The following TRIM36 variants were observed in gnomAD, a reference collection of about 807,000 sequenced individuals.
TRIM36 encodes tripartite motif containing 36.
TRIM36 carries 42 observed loss-of-function variants against 72.4 expected under a neutral mutation model. The ratio of observed to expected loss-of-function variants is 0.58; its 90% CI spans 0.45 to 0.75. TRIM36 has a LOEUF of 0.75. Ranked by LOEUF, TRIM36 falls within the 30% of genes least tolerant of loss-of-function variation. The pLI, the probability that TRIM36 is intolerant of heterozygous loss-of-function variation, is 0.00. For synonymous variants in TRIM36, 315 were observed against 282.8 expected, an observed-to-expected ratio of 1.11 and a Z score of -1.14; for missense variants, 913 against 857.1, an observed-to-expected ratio of 1.07 and a Z score of -0.81.
intron 1 of TRIM36, 57 bp downstream of exon 1, chr5:115,169,549 AAG>A: frequency 6.7e-7 from 1 of 1,481,554 alleles, no homozygotes; most frequent in Non-Finnish European, 9.0e-7. Context: ...AGGAAAGAGA[AAG>A]AGCCGCGGTC....
At chr5:115,142,622 C>T (rs1332589032) in intron 4 of TRIM36, among the ~76,000 whole-genome samples, 1 of 152,170 alleles carries the variant, frequency 6.6e-6, no homozygotes, top group East Asian at 1.9e-4. Flanking sequence ...TAGCTTTTAT[C>T]TGAGACAGCT....
chr5:115,173,927 A>C (rs1384859085), upstream of TRIM36, among the ~76,000 whole-genome samples: 1 of 152,092 alleles, frequency 6.6e-6, no homozygotes, highest in East Asian at 1.9e-4. Flanking sequence ...GTATTACTTA[A>C]TTGCTCTTCT....
chr5:115,179,158 A>T (rs1367599235), intron 1 of TRIM36, among the ~76,000 whole-genome samples: 4 of 152,106 alleles, frequency 2.6e-5, no homozygotes, highest in Non-Finnish European at 5.9e-5. Context: ...CAGCCTCCGT[A>T]CTTCCCGACA....
chr5:115,179,553 G>A lies in TRIM36; in HGVS notation c.63+422C>T, dbSNP rs574514144. 3.6e-4 allele frequency among the ~76,000 whole-genome samples: 55 copies of A among 152,364 alleles called. No homozygotes were observed. In the East Asian group the frequency reaches 9.7e-3, roughly 27 times the overall value. On this transcript the variant is annotated intron_variant, in intron 1 of 9. Coordinates refer to the TRIM36 transcript ENST00000282369. ...CACACTTCGAGCCTGTTCACTCGCTGGGCGGACCCTCCCTCCACGCTCCGC... is the reference window on the plus strand; with the variant it reads ...CACACTTCGAGCCTGTTCACTCGCTAGGCGGACCCTCCCTCCACGCTCCGC...
intron 2 of TRIM36, among the ~76,000 whole-genome samples, chr5:115,155,790 A>G (rs770504439): frequency 6.6e-6 from 1 of 152,356 alleles, no homozygotes; most frequent in Non-Finnish European, 1.5e-5. Flanking sequence ...CCCTTCTTCA[A>G]TATAGTACTG....
At chr5:115,165,633 G>A (rs928110914) in intron 1 of TRIM36, among the ~76,000 whole-genome samples, 1 of 152,232 alleles carries the variant, frequency 6.6e-6, no homozygotes, top group Non-Finnish European at 1.5e-5. Flanking sequence ...GCTGCAGTTG[G>A]GAAGGCACAG....
chr5:115,135,017 T>A (rs1179998523), intron 7 of TRIM36, among the ~76,000 whole-genome samples: 1 of 152,194 alleles, frequency 6.6e-6, no homozygotes, highest in African/African-American at 2.4e-5. Flanking sequence ...TTTGTATAGA[T>A]CTCGCCAGTA....
intron 1 of TRIM36, among the ~76,000 whole-genome samples, chr5:115,166,427 G>A (rs184805625): frequency 5.5e-4 from 84 of 152,276 alleles, no homozygotes; most frequent in Non-Finnish European, 8.8e-5. Flanking sequence ...GCAGAGAGGA[G>A]GTACCCACTC....
At chr5:115,153,746 TCCTCCCACCTTGG>T (rs1379260161) in intron 2 of TRIM36, 5 of 152,252 alleles carry the variant, frequency 3.3e-5, no homozygotes, top group African/African-American at 1.2e-4. Context: ...CCTCAGGTGA[TCCTCCCACCTTGG>T]CCTCCCAAAG....
At chr5:115,138,868 T>A (rs1464344255) in intron 5 of TRIM36, among the ~76,000 whole-genome samples, 1 of 152,096 alleles carries the variant, frequency 6.6e-6, no homozygotes, top group Non-Finnish European at 1.5e-5. Flanking sequence ...CAGGCTGTAG[T>A]GCAGTGGCGC....
upstream of TRIM36, chr5:115,180,288 A>G: frequency 2.8e-6 from 1 of 362,920 alleles, no homozygotes; most frequent in Non-Finnish European, 5.0e-6. Flanking sequence ...GCGCGATCTA[A>G]CGGAACAAAC....
At chr5:115,152,837 C>T (rs1182081651) in intron 2 of TRIM36, among the ~76,000 whole-genome samples, 1 of 152,136 alleles carries the variant, frequency 6.6e-6, no homozygotes, top group Non-Finnish European at 1.5e-5. Context: ...CACTACCAAG[C>T]CTCCTCTAAA....
intron 4 of TRIM36, among the ~76,000 whole-genome samples, chr5:115,142,092 G>GA (rs1029534667): frequency 1.3e-5 from 2 of 152,054 alleles, no homozygotes; most frequent in African/African-American, 4.8e-5. Context: ...AGTTGTAACA[G>GA]AAAAATGTAT....
At chr5:115,156,102 A>G (rs1311399135) in intron 2 of TRIM36, among the ~76,000 whole-genome samples, 1 of 152,178 alleles carries the variant, frequency 6.6e-6, no homozygotes, top group African/African-American at 2.4e-5. Flanking sequence ...AATATACTCA[A>G]CCAAGGAAGT....
At chr5:115,148,493 C>T in intron 2 of TRIM36, 1 of 372,744 alleles carries the variant, frequency 2.7e-6, no homozygotes, top group Non-Finnish European at 3.6e-6. Flanking sequence ...CTCACTGCAA[C>T]CTCTGCCTCC....
rs570735967 is a variant in TRIM36 at position 115,126,438 on chromosome 5, G to A, written c.*65C>T. On this transcript the variant is annotated 3_prime_UTR_variant, in exon 10 of 10. Transcript: ENST00000513154. ...CACTCAGCGATATGTAATTAGTTAC[G>A]AAGGTTAACGCTAAGGCATTGCTTT... is the stretch of plus-strand genomic sequence containing the variant. The A allele has an allele frequency of 6.5e-5, 85 of 1,302,218 alleles. No individual in the cohort carries two copies. In the South Asian group the frequency reaches 1.0e-3, roughly 16 times the overall value. 80.7% of individuals were successfully genotyped at this position (1,302,218 alleles called of 1,614,324 possible).
chr5:115,144,907 T>C (rs890855144), intron 3 of TRIM36, among the ~76,000 whole-genome samples, 163 bp from the exon 4 acceptor site: 1 of 152,254 alleles, frequency 6.6e-6, no homozygotes, highest in Non-Finnish European at 1.5e-5. Context: ...GAAAATTCTC[T>C]ATATCGGAAT....
upstream of TRIM36, chr5:115,171,338 T>C: frequency 7.0e-7 from 1 of 1,434,076 alleles, no homozygotes; most frequent in South Asian, 1.3e-5. Context: ...CAGGTAATAA[T>C]GCCTGGGCTG....
chr5:115,126,262 T>G lies in TRIM36; in HGVS notation c.*241A>C, dbSNP rs1291188556. On this transcript the variant is annotated 3_prime_UTR_variant, in exon 10 of 10. Transcript: ENST00000513154. ...TACATAAAGTAAAAGACAGTCCAGT[T>G]GCAAAGTTAACCACTTCAGTATTAA... 1 of 456,498 alleles carries G rather than the reference T, an allele frequency of 2.2e-6. No homozygotes were observed. Among genetic ancestry groups the G allele is most frequent in the Non-Finnish European group, 3.9e-6 (1 of 258,108 alleles). 28.3% of individuals were successfully genotyped at this position (456,498 alleles called of 1,614,324 possible). A position where few individuals can be genotyped will look rare whatever the true frequency, so the allele number is the denominator to read the frequency against.
Sources: gnomAD v4.1 joint callset for allele counts (sites outside exome capture counted in the v4.1 genomes callset) on GRCh38, gnomAD v4.1.1 for gene constraint, MANE v1.5 for transcripts, NCBI Gene and HGNC (gene_info 2026-07-23, HGNC 2026-07-21) for gene names.